The following EEA1 variants were observed in gnomAD, a reference collection of about 807,000 sequenced individuals.
EEA1 encodes the protein early endosome antigen 1, 162kD.
Under a neutral mutation model 209.2 loss-of-function variants are expected in EEA1, and 111 were observed. The observed-to-expected ratio is 0.53, with a 90% CI of 0.45 to 0.62. EEA1 has a LOEUF of 0.62. Among genes scored for constraint, EEA1 ranks in the 20% least tolerant of loss-of-function variants. EEA1 has a pLI of 0.00. For synonymous variants in EEA1, 536 were observed against 540.6 expected, an observed-to-expected ratio of 0.99 and a Z score of 0.12; for missense variants, 1,343 against 1,530.8, an observed-to-expected ratio of 0.88 and a Z score of 2.05.
chr12:92,787,397 G>A (rs1874180959), intron 22 of EEA1, among the ~76,000 whole-genome samples: 1 of 151,934 alleles, frequency 6.6e-6, no homozygotes, highest in Non-Finnish European at 1.5e-5. Context: ...TCTATACATT[G>A]TTATATAATT....
chr12:92,924,092 T>A (rs1241876758), intron 1 of EEA1, among the ~76,000 whole-genome samples: 1 of 151,886 alleles, frequency 6.6e-6, no homozygotes, highest in African/African-American at 2.4e-5. Context: ...CACTCCATCC[T>A]GGCTGACAGA....
rs1438169714 is a variant in EEA1 at position 92,926,255 on chromosome 12, A to G, written c.24+2788T>C. Among the ~76,000 whole-genome samples, 7 of 152,018 alleles carry G rather than the reference A, an allele frequency of 4.6e-5. No individual in the cohort carries two copies. In the East Asian group the frequency reaches 9.7e-4, roughly 21 times the overall value. On this transcript the variant is annotated intron_variant, in intron 1 of 28. Transcript: ENST00000322349. ...TGATCCGCCCGTCTCGGCCTCCCAA[A>G]GTGCTGGGATTACAGGAATGAGCCA... is the stretch of plus-strand genomic sequence containing the variant.
At chr12:92,891,475 CATATAGCT>C (rs1565852658) in intron 2 of EEA1, among the ~76,000 whole-genome samples, 146 bp downstream of exon 2, 1 of 152,180 alleles carries the variant, frequency 6.6e-6, no homozygotes, top group Admixed American at 6.5e-5. Context: ...TAGGCACAGG[CATATAGCT>C]ACAAGTATGT....
chr12:92,877,320 C>T (rs1017775001), intron 2 of EEA1, among the ~76,000 whole-genome samples: 4 of 150,926 alleles, frequency 2.7e-5, no homozygotes, highest in South Asian at 2.1e-4. Flanking sequence ...AAAATCCTAG[C>T]GATATTTTAA....
chr12:92,839,893 A>G lies in EEA1; in HGVS notation c.915+2572T>C, dbSNP rs1374695295. 3.3e-5 allele frequency among the ~76,000 whole-genome samples: 5 copies of G among 152,152 alleles called. No individual in the cohort carries two copies. The South Asian group carries it at 8.3e-4, about 25-fold the overall frequency. On this transcript the variant is annotated intron_variant, in intron 10 of 28. Transcript: ENST00000322349. ...CTTCATGGCAGCAGCCTAAAACAAT[A>G]TCTATTATATCATATAGTTTTTGAG... is the stretch of plus-strand genomic sequence containing the variant.
In EEA1 at chr12:92,827,948, A is replaced by G. The variant is rs1425855504; in HGVS notation, c.1368T>C (p.Ala456=). ...ACCGAGAAAGTTTGAGTTGTAAATC[A>G]GCCACTTGTTGTTCTTTATCCATCA... ...EKLMDKEQQV[A]DLQLKLSRLE... Residue 456 remains alanine, a synonymous_variant, in exon 12 of 29, where the codon GCT becomes GCC. Coordinates refer to ENST00000322349, the MANE Select transcript of EEA1 (RefSeq NM_003566.4). 1 of 1,582,014 alleles carries G rather than the reference A, an allele frequency of 6.3e-7. No individual in the cohort carries two copies. The highest frequency in any genetic ancestry group is 1.8e-5 in the Admixed American group (1 of 54,152).
At chr12:92,782,968 C>T (rs1251944948) in intron 22 of EEA1, among the ~76,000 whole-genome samples, 2 of 152,224 alleles carry the variant, frequency 1.3e-5, no homozygotes, top group Non-Finnish European at 2.9e-5. Flanking sequence ...GGGGAGGGCA[C>T]GGAAGCTCTG....
intron 17 of EEA1, among the ~76,000 whole-genome samples, chr12:92,810,726 C>T (rs961187148): frequency 1.8e-4 from 27 of 151,732 alleles, no homozygotes; most frequent in African/African-American, 6.3e-4. Flanking sequence ...GACACAAAAA[C>T]TCAGGTCAAA....
At chr12:92,925,368 C>A (rs571849309) in intron 1 of EEA1, among the ~76,000 whole-genome samples, 2 of 152,120 alleles carry the variant, frequency 1.3e-5, no homozygotes, top group Non-Finnish European at 2.9e-5. Flanking sequence ...GCGTGCACCA[C>A]GATGCCCGGC....
intron 2 of EEA1, among the ~76,000 whole-genome samples, chr12:92,874,190 A>G (rs1254443724): frequency 6.6e-6 from 1 of 151,992 alleles, no homozygotes; most frequent in Non-Finnish European, 1.5e-5. Flanking sequence ...GCATGGTGGC[A>G]TGCACCTATA....
intron 17 of EEA1, among the ~76,000 whole-genome samples, chr12:92,809,964 C>T (rs1875414850): frequency 6.6e-6 from 1 of 152,140 alleles, no homozygotes; most frequent in Non-Finnish European, 1.5e-5. Flanking sequence ...CAATTAAGTT[C>T]CTGATTTTGC....
intron 1 of EEA1, among the ~76,000 whole-genome samples, chr12:92,902,009 G>A (rs1880163213): frequency 1.3e-5 from 2 of 152,086 alleles, no homozygotes; most frequent in Non-Finnish European, 2.9e-5. Context: ...CAAAAAGAAT[G>A]GGATTGGAAT....
chr12:92,787,731 A>G (rs1275729999), intron 22 of EEA1, 136 bp downstream of exon 22: 4 of 689,540 alleles, frequency 5.8e-6, no homozygotes, highest in Admixed American at 8.1e-5. Flanking sequence ...GCTAATACAA[A>G]ATAACAATTT....
intron 2 of EEA1, among the ~76,000 whole-genome samples, chr12:92,886,919 G>A (rs536907862): frequency 3.3e-5 from 5 of 151,812 alleles, no homozygotes; most frequent in East Asian, 3.9e-4. Context: ...AATGGCATGA[G>A]CCTGGGAGGA....
chr12:92,817,082 A>T (rs1875829021), intron 14 of EEA1, among the ~76,000 whole-genome samples: 1 of 151,134 alleles, frequency 6.6e-6, no homozygotes, highest in Non-Finnish European at 1.5e-5. Context: ...TAAAAATTAA[A>T]ATTTTTTCAG....
intron 1 of EEA1, among the ~76,000 whole-genome samples, chr12:92,908,057 T>C (rs552113014): frequency 3.9e-5 from 6 of 151,910 alleles, no homozygotes; most frequent in African/African-American, 1.5e-4. Context: ...TCACAATAGC[T>C]AAAACATGTA....
At chr12:92,920,974 T>G (rs944411731) in intron 1 of EEA1, among the ~76,000 whole-genome samples, 10 of 151,512 alleles carry the variant, frequency 6.6e-5, no homozygotes, top group Admixed American at 6.6e-4. Flanking sequence ...AAGACATTTA[T>G]GCAGCCAAAA....
chr12:92,864,915 G>T lies in EEA1; in HGVS notation c.190C>A (p.His64Asn). ...TGACCTGAGTCATTACCAGCATCATGAACAGCTTCATAATGTTTGAAAAGT... is the reference window on the plus strand; with the variant it reads ...TGACCTGAGTCATTACCAGCATCATTAACAGCTTCATAATGTTTGAAAAGT... ...DELFKHYEAV[H>N]DAGNDSGHGG... Residue 64 changes from histidine (H) to asparagine (N), a missense_variant, in exon 3 of 29, where the codon CAT (histidine) becomes AAT (asparagine). This residue lies in a region of EEA1 where 1,307 missense variants were observed against 1,465.5 expected (regional missense o/e 0.89). Transcript: ENST00000322349. 2 of 1,610,794 alleles carry T rather than the reference G, an allele frequency of 1.2e-6. No individual in the cohort carries two copies. The highest frequency in any genetic ancestry group is 2.2e-5 in the South Asian group (2 of 90,338).
Position 92,842,521 on chromosome 12 carries a change from C to T in EEA1, c.859G>A (p.Val287Ile). 1 of 1,609,030 alleles carries T rather than the reference C, an allele frequency of 6.2e-7. No homozygotes were observed. Among genetic ancestry groups the T allele is most frequent in the Non-Finnish European group, 8.5e-7 (1 of 1,178,194 alleles). ...AKGPQEVAVY[V>I]QELQKLKSSV... is the part of the protein sequence containing the mutation. Reference sequence around the variant, plus strand: ...CTTTTCAGTTTTTGTAGTTCCTGTACATATACAGCAACTTCCTGGGGGCCT... The same window carrying T: ...CTTTTCAGTTTTTGTAGTTCCTGTATATATACAGCAACTTCCTGGGGGCCT... The change falls in exon 10 of 29, where the codon GTA (valine) becomes ATA (isoleucine). Residue 287 changes from valine (V) to isoleucine (I), a missense_variant. This residue lies in a region of EEA1 where 1,307 missense variants were observed against 1,465.5 expected (regional missense o/e 0.89). Transcript: ENST00000322349.
Sources: allele counts gnomAD v4.1 joint callset (sites outside exome capture counted in the v4.1 genomes callset), GRCh38; gene constraint gnomAD v4.1.1; regional missense constraint gnomAD v4.1.1; transcripts MANE v1.5; gene names NCBI Gene and HGNC (gene_info 2026-07-23, HGNC 2026-07-21).